The following DLGAP2 variants were observed in gnomAD, a reference collection of about 807,000 sequenced individuals.
DLGAP2 encodes the protein DLG associated protein 2.
A neutral mutation model predicts 100.3 loss-of-function variants in DLGAP2; 26 were observed. The observed-to-expected ratio is 0.26, with a 90% confidence interval of 0.19 to 0.36. The LOEUF (loss-of-function observed/expected upper bound fraction) is 0.36, where lower values mean the gene tolerates loss of function less well. Ranked by LOEUF, DLGAP2 falls within the 10% of genes least tolerant of loss-of-function variation. The pLI is 1.00. For synonymous variants in DLGAP2, 886 were observed against 630.1 expected, an observed-to-expected ratio of 1.41 and a Z score of -6.08; for missense variants, 1,858 against 1,453.2, an observed-to-expected ratio of 1.28 and a Z score of -4.53.
At chr8:1,343,316 A>G (rs1053519666) in intron 3 of DLGAP2, among the ~76,000 whole-genome samples, 3 of 152,194 alleles carry the variant, frequency 2.0e-5, no homozygotes, top group African/African-American at 7.2e-5. Context: ...TCACACAGGC[A>G]GTGCTTAATG....
intron 2 of DLGAP2, among the ~76,000 whole-genome samples, chr8:1,031,979 C>T (rs1330314103): frequency 6.6e-6 from 1 of 152,168 alleles, no homozygotes; most frequent in Non-Finnish European, 1.5e-5. Flanking sequence ...AGCGAATCCC[C>T]AGGGGTGTTT....
intron 2 of DLGAP2, among the ~76,000 whole-genome samples, chr8:944,197 G>T (rs1476491267): frequency 6.6e-6 from 1 of 152,174 alleles, no homozygotes; most frequent in Non-Finnish European, 1.5e-5. Flanking sequence ...ACCCGTCCCT[G>T]TGAGTGATTC....
At chr8:1,691,455 T>G in intron 12 of DLGAP2, 80 bp from the exon 13 acceptor site, 4 of 1,209,646 alleles carry the variant, frequency 3.3e-6, no homozygotes, top group Non-Finnish European at 4.7e-6. Context: ...CTCGCTCCCT[T>G]GGTGTGATGT....
intron 2 of DLGAP2, among the ~76,000 whole-genome samples, chr8:1,170,021 G>T (rs1222137722): frequency 2.0e-5 from 3 of 151,676 alleles, no homozygotes; most frequent in Admixed American, 6.6e-5. Context: ...CTGTGGGTTT[G>T]TCATAGATAG....
At chr8:1,350,724 C>T (rs1277551352) in intron 3 of DLGAP2, among the ~76,000 whole-genome samples, 1 of 94,212 alleles carries the variant, frequency 1.1e-5, no homozygotes, top group Non-Finnish European at 2.1e-5. Context: ...GTGGAAAGGC[C>T]GTGCGGGTCC....
At chr8:1,492,820 A>G (rs529372909) in intron 3 of DLGAP2, among the ~76,000 whole-genome samples, 1 of 152,272 alleles carries the variant, frequency 6.6e-6, no homozygotes, top group African/African-American at 2.4e-5. Flanking sequence ...AGGGCTGTGT[A>G]CGACCACGGA....
At chr8:1,446,518 G>C (rs1279183853) in intron 3 of DLGAP2, among the ~76,000 whole-genome samples, 2 of 152,156 alleles carry the variant, frequency 1.3e-5, no homozygotes, top group Non-Finnish European at 2.9e-5. Flanking sequence ...TTTGAAGTCA[G>C]GTAGTGTGAT....
At chr8:1,085,399 C>T (rs528505104) in intron 2 of DLGAP2, among the ~76,000 whole-genome samples, 9 of 152,226 alleles carry the variant, frequency 5.9e-5, no homozygotes, top group East Asian at 1.9e-4. Context: ...TTGTTACCTG[C>T]GCTTTTGGAA....
intron 2 of DLGAP2, among the ~76,000 whole-genome samples, chr8:1,221,236 G>A (rs753926977): frequency 6.6e-6 from 1 of 152,152 alleles, no homozygotes; most frequent in Non-Finnish European, 1.5e-5. Flanking sequence ...GGCAGATAAG[G>A]GTCTTTCATG....
chr8:1,262,904 G>T (rs1799380422), intron 3 of DLGAP2, among the ~76,000 whole-genome samples: 1 of 152,130 alleles, frequency 6.6e-6, no homozygotes, highest in African/African-American at 2.4e-5. Context: ...GGATTTGTCT[G>T]TTGGTTTACA....
At chr8:1,227,183 A>ATATATATATATATATC in intron 2 of DLGAP2, among the ~76,000 whole-genome samples, 1 of 132,544 alleles carries the variant, frequency 7.5e-6, no homozygotes, top group African/African-American at 3.3e-5. Flanking sequence ...TAGTATAGAT[A>ATATATATATATATATC]TATATTATCC....
chr8:1,213,382 A>T (rs866047150), intron 2 of DLGAP2, among the ~76,000 whole-genome samples: 1 of 149,270 alleles, frequency 6.7e-6, no homozygotes, highest in African/African-American at 2.6e-5. Flanking sequence ...TGCAATGATA[A>T]TCCAGTATGT....
intron 1 of DLGAP2, among the ~76,000 whole-genome samples, chr8:839,622 A>G (rs1796944279): frequency 6.6e-6 from 1 of 152,158 alleles, no homozygotes; most frequent in Admixed American, 6.5e-5. Flanking sequence ...TGGTTGTGAG[A>G]TGAATCACCA....
chr8:930,340 C>T (rs1002388979), intron 2 of DLGAP2, among the ~76,000 whole-genome samples: 1 of 152,176 alleles, frequency 6.6e-6, no homozygotes, highest in Non-Finnish European at 1.5e-5. Context: ...AATGTTGTCT[C>T]TGCTTTAGGG....
intron 6 of DLGAP2, among the ~76,000 whole-genome samples, chr8:1,614,921 A>G (rs1797101781): frequency 6.6e-6 from 1 of 152,194 alleles, no homozygotes; most frequent in African/African-American, 2.4e-5. Flanking sequence ...AGTAGAGACT[A>G]TTCACATTTT....
At chr8:845,062 A>G (rs1797049004) in intron 1 of DLGAP2, among the ~76,000 whole-genome samples, 1 of 152,238 alleles carries the variant, frequency 6.6e-6, no homozygotes, top group African/African-American at 2.4e-5. Flanking sequence ...TTATTTATCC[A>G]GTCATCAGTT....
chr8:1,421,538 G>T (rs1797087624), intron 3 of DLGAP2, among the ~76,000 whole-genome samples: 1 of 152,052 alleles, frequency 6.6e-6, no homozygotes, highest in Non-Finnish European at 1.5e-5. Context: ...GGGGTGGGGG[G>T]AATTTAGTTA....
intron 1 of DLGAP2, among the ~76,000 whole-genome samples, chr8:831,485 G>A (rs1796782554): frequency 6.6e-6 from 1 of 152,060 alleles, no homozygotes; most frequent in Admixed American, 6.6e-5. Flanking sequence ...CTGTCCTTGT[G>A]ATAGTTTGCT....
chr8:1,322,114 C>T (rs982364074), intron 3 of DLGAP2, among the ~76,000 whole-genome samples: 6 of 152,068 alleles, frequency 3.9e-5, no homozygotes, highest in African/African-American at 1.4e-4. Context: ...AAAAAAGTCC[C>T]AACTTGATAT....
Sources: gnomAD v4.1 joint callset for allele counts (sites outside exome capture counted in the v4.1 genomes callset) on GRCh38, gnomAD v4.1.1 for gene constraint, MANE v1.5 for transcripts, NCBI Gene and HGNC (gene_info 2026-07-23, HGNC 2026-07-21) for gene names.